SAMD5: variants seen among roughly 807,000 people sequenced by gnomAD.
SAMD5 encodes the protein sterile alpha motif domain containing 5, also known as sterile alpha motif domain-containing protein 5.
Under a neutral mutation model 11.3 loss-of-function variants are expected in SAMD5, and 13 were observed. That is an observed-to-expected ratio of 1.15 (90% CI 0.75 to 1.83). The LOEUF is 1.83. Ranked by LOEUF, SAMD5 falls within the 40% of genes most tolerant of loss-of-function variation. The pLI, the probability that SAMD5 is intolerant of heterozygous loss-of-function variation, is 0.00. For missense variants in SAMD5, 255 were observed against 239.1 expected, an observed-to-expected ratio of 1.07 and a Z score of -0.44; for synonymous variants, 129 against 111.3, an observed-to-expected ratio of 1.16 and a Z score of -1.00.
chr6:147,512,274 G>T (rs894649237), intron 1 of SAMD5, among the ~76,000 whole-genome samples: 2 of 152,136 alleles, frequency 1.3e-5, no homozygotes, highest in African/African-American at 4.8e-5. Flanking sequence ...TAGTATTTTT[G>T]ATGTGCATTT....
chr6:147,623,448 T>G (rs568783270), intron 1 of SAMD5, among the ~76,000 whole-genome samples: 1 of 152,376 alleles, frequency 6.6e-6, no homozygotes, highest in African/African-American at 2.4e-5. Context: ...TGCTTTGAAT[T>G]GTAACACATA....
the SAMD5 span, among the ~76,000 whole-genome samples, chr6:147,800,569 G>T: frequency 1.3e-5 from 2 of 152,368 alleles, no homozygotes; most frequent in Non-Finnish European, 2.9e-5. Context: ...GAGGCAGGCA[G>T]GCCTCCTTGA....
At chr6:147,544,813 T>C (rs550903408) in intron 1 of SAMD5, among the ~76,000 whole-genome samples, 1 of 152,220 alleles carries the variant, frequency 6.6e-6, no homozygotes, top group East Asian at 1.9e-4. Context: ...TGTTTCAGAA[T>C]GGACCACCAA....
At chr6:147,640,344 A>G (rs1048675032) in intron 1 of SAMD5, among the ~76,000 whole-genome samples, 2 of 151,288 alleles carry the variant, frequency 1.3e-5, no homozygotes, top group Non-Finnish European at 2.9e-5. Context: ...AAAAGAAAAA[A>G]AAAATTGCCG....
chr6:147,881,859 G>A, the SAMD5 span, among the ~76,000 whole-genome samples: 2 of 152,114 alleles, frequency 1.3e-5, no homozygotes, highest in South Asian at 2.1e-4. Flanking sequence ...CCTTGGCTTC[G>A]ATCTGGGGGG....
chr6:147,826,802 A>G, the SAMD5 span, among the ~76,000 whole-genome samples: 73 of 152,230 alleles, frequency 4.8e-4, 2 homozygotes, highest in South Asian at 0.013. Context: ...TTATGGTCCT[A>G]TCCACTGTTA....
intron 1 of SAMD5, among the ~76,000 whole-genome samples, chr6:147,611,519 C>T (rs1166100462): frequency 1.3e-5 from 2 of 152,068 alleles, no homozygotes; most frequent in Admixed American, 6.5e-5. Flanking sequence ...GCCGAGATCA[C>T]ACCACTGTAC....
At chr6:147,723,969 C>T (rs1309331676) in intron 1 of SAMD5, among the ~76,000 whole-genome samples, 1 of 152,124 alleles carries the variant, frequency 6.6e-6, no homozygotes, top group Non-Finnish European at 1.5e-5. Flanking sequence ...CCCCAGGGCC[C>T]AGCAGAAGGC....
chr6:147,884,696 G>A, the SAMD5 span, among the ~76,000 whole-genome samples: 4 of 152,066 alleles, frequency 2.6e-5, no homozygotes, highest in Non-Finnish European at 4.4e-5. Flanking sequence ...GCTTTGTTTG[G>A]CTAATCTTAT....
the SAMD5 span, among the ~76,000 whole-genome samples, chr6:147,791,289 CAAAT>C: frequency 0.081 from 12,218 of 151,618 alleles, 751 homozygotes; most frequent in African/African-American, 0.17. Flanking sequence ...GACCCCGTCT[CAAAT>C]AAATAAATAA....
rs554230560 is a variant in SAMD5 at position 147,721,161 on chromosome 6, G to C, written c.163-16156G>C. ...GTGAATAATGCGGCAATAAACATAC[G>C]TGTGCATGTGTCTTTATAGCAGCAT... On this transcript the variant is annotated intron_variant, in intron 1 of 1. Transcript: ENST00000566741. Among the ~76,000 whole-genome samples the C allele has an allele frequency of 2.5e-3, 370 of 146,844 alleles. 3 individuals carry two copies. The highest frequency in any genetic ancestry group is 8.9e-3 in the African/African-American group (342 of 38,368).
the SAMD5 span, among the ~76,000 whole-genome samples, chr6:147,856,127 A>G: frequency 1.5e-4 from 23 of 152,358 alleles, no homozygotes; most frequent in Admixed American, 1.5e-3. Flanking sequence ...ACATGTGATA[A>G]GGGATGAACT....
intron 1 of SAMD5, chr6:147,730,273 G>A (rs915937902): frequency 2.8e-6 from 1 of 357,112 alleles, no homozygotes. Context: ...ACATTAATGG[G>A]ATCACTTTGA....
At chr6:147,682,721 G>A (rs996967476) in intron 1 of SAMD5, among the ~76,000 whole-genome samples, 11 of 152,158 alleles carry the variant, frequency 7.2e-5, no homozygotes, top group Non-Finnish European at 1.0e-4. Flanking sequence ...TAGCTGCTGA[G>A]AATAGTAAAT....
the SAMD5 span, among the ~76,000 whole-genome samples, chr6:147,950,531 C>T: frequency 3.3e-5 from 5 of 152,280 alleles, no homozygotes; most frequent in African/African-American, 7.2e-5. Context: ...TTGGCCCCGA[C>T]CTGGTATGAC....
rs537029005 is a variant in SAMD5 at position 147,722,322 on chromosome 6, G to A, written c.163-14995G>A. 2.0e-4 allele frequency among the ~76,000 whole-genome samples: 31 copies of A among 151,836 alleles called. No individual in the cohort carries two copies. The South Asian group carries it at 5.0e-3, about 25-fold the overall frequency. On this transcript the variant is annotated intron_variant, in intron 1 of 1. Coordinates refer to the SAMD5 transcript ENST00000566741. Reference sequence around the variant, plus strand: ...AATAATTAGCATTGTATATAGATGCGCATTCACAGACACCATGAAAAAAGC... The same window carrying A: ...AATAATTAGCATTGTATATAGATGCACATTCACAGACACCATGAAAAAAGC...
chr6:147,794,741 G>A, the SAMD5 span, among the ~76,000 whole-genome samples: 9 of 152,082 alleles, frequency 5.9e-5, no homozygotes, highest in East Asian at 1.9e-4. Flanking sequence ...ACAGTAATAC[G>A]TAAAGAACAG....
At chr6:147,521,011 C>T (rs886214405) in intron 1 of SAMD5, among the ~76,000 whole-genome samples, 1 of 152,052 alleles carries the variant, frequency 6.6e-6, no homozygotes, top group African/African-American at 2.4e-5. Flanking sequence ...AACATTTTCC[C>T]ATTCTCCTTC....
At chr6:147,854,615 C>G in the SAMD5 span, among the ~76,000 whole-genome samples, 1 of 152,246 alleles carries the variant, frequency 6.6e-6, no homozygotes, top group Admixed American at 6.5e-5. Flanking sequence ...ATGTTATCAA[C>G]AATGCTGTAA....
Sources: gnomAD v4.1 joint callset for allele counts (sites outside exome capture counted in the v4.1 genomes callset) on GRCh38, gnomAD v4.1.1 for gene constraint, MANE v1.5 for transcripts, NCBI Gene and HGNC (gene_info 2026-07-23, HGNC 2026-07-21) for gene names.